Variants in KCNQ3 observed in about 807,000 individuals in gnomAD.
The protein encoded by KCNQ3 is potassium voltage-gated channel subfamily Q member 3.
KCNQ3 carries 30 observed loss-of-function variants against 92.5 expected under a neutral mutation model. The ratio of observed to expected loss-of-function variants is 0.32; its 90% CI spans 0.24 to 0.44. The LOEUF (loss-of-function observed/expected upper bound fraction) is 0.44. Among genes scored for constraint, KCNQ3 ranks in the 20% least tolerant of loss-of-function variants. KCNQ3 has a pLI of 1.00. For missense variants in KCNQ3, 913 were observed against 1,140.3 expected (o/e 0.80, Z 2.87); for synonymous variants, 450 against 468.8 (o/e 0.96, Z 0.52).
chr8:132,376,814 A>G (rs975612006), intron 1 of KCNQ3, among the ~76,000 whole-genome samples: 1 of 152,190 alleles, frequency 6.6e-6, no homozygotes, highest in Non-Finnish European at 1.5e-5. Context: ...GAGATAAGTG[A>G]CACTGACTTA....
intron 1 of KCNQ3, among the ~76,000 whole-genome samples, chr8:132,409,594 G>A (rs1320961963): frequency 1.3e-5 from 2 of 152,194 alleles, no homozygotes; most frequent in East Asian, 1.9e-4. Context: ...TTGGGGACAG[G>A]GGACATCCCT....
At chr8:132,285,901 G>A (rs1222671975) in intron 1 of KCNQ3, among the ~76,000 whole-genome samples, 1 of 152,094 alleles carries the variant, frequency 6.6e-6, no homozygotes, top group East Asian at 1.9e-4. Context: ...TGGGCCCCTT[G>A]GTCACTCCAG....
intron 1 of KCNQ3, among the ~76,000 whole-genome samples, chr8:132,251,007 C>A (rs548890802): frequency 6.6e-6 from 1 of 152,138 alleles, no homozygotes; most frequent in Admixed American, 6.5e-5. Flanking sequence ...GCCTGTAATA[C>A]CAGTACTTTG....
chr8:132,410,099 A>T (rs1820608847), intron 1 of KCNQ3, among the ~76,000 whole-genome samples: 1 of 152,210 alleles, frequency 6.6e-6, no homozygotes, highest in East Asian at 1.9e-4. Flanking sequence ...ACTTCAGTGT[A>T]GCTGGGTGAC....
intron 1 of KCNQ3, among the ~76,000 whole-genome samples, chr8:132,466,820 G>A (rs536041284): frequency 3.3e-5 from 5 of 152,220 alleles, no homozygotes; most frequent in African/African-American, 1.2e-4. Flanking sequence ...TTACAAAGAC[G>A]TACACAGTGT....
intron 11 of KCNQ3, among the ~76,000 whole-genome samples, chr8:132,139,624 T>C (rs1376673457): frequency 6.6e-6 from 1 of 152,156 alleles, no homozygotes; most frequent in Non-Finnish European, 1.5e-5. Flanking sequence ...TCTCTGCTGA[T>C]ACAGACAAAA....
chr8:132,163,617 G>A (rs1826056837), intron 8 of KCNQ3, 123 bp from the exon 9 acceptor site: 1 of 873,578 alleles, frequency 1.1e-6, no homozygotes. Flanking sequence ...CTCTAGGACA[G>A]GATGGTCAGT....
intron 9 of KCNQ3, among the ~76,000 whole-genome samples, chr8:132,159,254 C>T (rs1825908507): frequency 6.6e-6 from 1 of 152,172 alleles, no homozygotes; most frequent in Admixed American, 6.5e-5. Flanking sequence ...TTTATGCCTG[C>T]AATGAACAAT....
chr8:132,137,369 A>G (rs1204479207), intron 12 of KCNQ3, among the ~76,000 whole-genome samples: 1 of 152,072 alleles, frequency 6.6e-6, no homozygotes, highest in Non-Finnish European at 1.5e-5. Flanking sequence ...GAAAAATGGC[A>G]CTCTAATGCA....
At chr8:132,250,088 C>T (rs112580168) in intron 1 of KCNQ3, among the ~76,000 whole-genome samples, 4,473 of 152,274 alleles carry the variant, frequency 0.029, 247 homozygotes, top group African/African-American at 0.1. Flanking sequence ...CTCAGACAGC[C>T]CAGAGAAGGG....
At chr8:132,359,677 GGTT>G (rs1158045027) in intron 1 of KCNQ3, among the ~76,000 whole-genome samples, 1 of 152,148 alleles carries the variant, frequency 6.6e-6, no homozygotes, top group Non-Finnish European at 1.5e-5. Flanking sequence ...TTGTGTGATT[GGTT>G]ATTAGAGAAA....
chr8:132,383,081 C>A (rs568130024), intron 1 of KCNQ3, among the ~76,000 whole-genome samples: 1 of 152,306 alleles, frequency 6.6e-6, no homozygotes, highest in Admixed American at 6.5e-5. Context: ...ACTCCAACCC[C>A]TTGTCTTCCA....
intron 1 of KCNQ3, among the ~76,000 whole-genome samples, chr8:132,212,998 T>C (rs2130306635): frequency 6.6e-6 from 1 of 152,320 alleles, no homozygotes; most frequent in Middle Eastern, 3.4e-3. Flanking sequence ...TCACTAGAGT[T>C]CAGGACACCT....
chr8:132,469,393 A>G (rs1239575980), intron 1 of KCNQ3, among the ~76,000 whole-genome samples: 3 of 152,160 alleles, frequency 2.0e-5, no homozygotes, highest in Non-Finnish European at 2.9e-5. Flanking sequence ...TGACTGTTAC[A>G]CCAATTATAT....
At chr8:132,479,125 G>T (rs1474628164) in intron 1 of KCNQ3, among the ~76,000 whole-genome samples, 1 of 152,116 alleles carries the variant, frequency 6.6e-6, no homozygotes, top group Non-Finnish European at 1.5e-5. Flanking sequence ...TCCGAGATGG[G>T]TGCTGACAGC....
At chr8:132,346,006 AATG>A (rs768773544) in intron 1 of KCNQ3, among the ~76,000 whole-genome samples, 176 of 151,868 alleles carry the variant, frequency 1.2e-3, no homozygotes, top group Non-Finnish European at 2.2e-3. Context: ...TGATGATGAC[AATG>A]ATGATGATGG....
At chr8:132,433,080 A>G (rs953196760) in intron 1 of KCNQ3, among the ~76,000 whole-genome samples, 2 of 152,230 alleles carry the variant, frequency 1.3e-5, no homozygotes, top group Admixed American at 6.5e-5. Context: ...AATTGGGGTC[A>G]AAGAATCTTA....
intron 1 of KCNQ3, among the ~76,000 whole-genome samples, chr8:132,216,135 GA>G (rs1192303584): frequency 6.6e-6 from 1 of 151,976 alleles, no homozygotes; most frequent in Non-Finnish European, 1.5e-5. Context: ...GGGGCCTAGA[GA>G]AAGAAAAAAT....
intron 1 of KCNQ3, among the ~76,000 whole-genome samples, chr8:132,250,805 G>A (rs755782572): frequency 6.6e-6 from 1 of 152,068 alleles, no homozygotes; most frequent in Non-Finnish European, 1.5e-5. Flanking sequence ...TGCCCTTAAG[G>A]TACTCAAAGA....
Sources: allele counts gnomAD v4.1 joint callset (sites outside exome capture counted in the v4.1 genomes callset), GRCh38; gene constraint gnomAD v4.1.1; transcripts MANE v1.5; gene names NCBI Gene and HGNC (gene_info 2026-07-23, HGNC 2026-07-21).